HERC1: variants seen among roughly 807,000 people sequenced by gnomAD.
HERC1 encodes probable E3 ubiquitin-protein ligase HERC1.
A neutral mutation model predicts 554.3 loss-of-function variants in HERC1; 160 were observed. The ratio of observed to expected loss-of-function variants is 0.29; its 90% CI spans 0.25 to 0.33. The LOEUF is 0.33. HERC1 is among the 10% of genes least tolerant of loss of function. HERC1 has a pLI of 1.00. For missense variants in HERC1, 4,919 were observed against 5,918.5 expected, an observed-to-expected ratio of 0.83 and a Z score of 5.54; for synonymous variants, 2,175 against 2,131.7, an observed-to-expected ratio of 1.02 and a Z score of -0.56.
In HERC1 at chr15:63,694,623, A is replaced by G; in HGVS notation, c.5243-74T>C. On this transcript the variant is annotated intron_variant, in intron 28 of 77. Transcript: ENST00000443617. The surrounding 1 kb of genome is among the most constrained non-coding windows in gnomAD (Gnocchi z 4.3). ...ATTTATTAAAATGAATAATTTTCTA[A>G]AATATTAATAACATGAAACACTAAA... is the stretch of plus-strand genomic sequence containing the variant. 5 of 1,438,204 alleles carry G rather than the reference A, an allele frequency of 3.5e-6. No individual in the cohort carries two copies. The highest frequency in any genetic ancestry group is 4.8e-6 in the Non-Finnish European group (5 of 1,042,210). 89.1% of individuals were successfully genotyped at this position (1,438,204 alleles called of 1,614,324 possible). A position where few individuals can be genotyped will look rare whatever the true frequency, so the allele number is the denominator to read the frequency against.
In HERC1 at chr15:63,774,914, G is replaced by T. The variant is rs774245716; in HGVS notation, c.710C>A (p.Ser237Tyr). 2.0e-5 allele frequency: 33 copies of T among 1,613,888 alleles called. No homozygotes were observed. The highest frequency in any genetic ancestry group is 2.5e-5 in the Non-Finnish European group (29 of 1,179,894). The change falls in exon 2 of 78, where the codon TCT (serine) becomes TAT (tyrosine). Residue 237 changes from serine (S) to tyrosine (Y), a missense_variant. Ser to Tyr is a moderately radical substitution (Grantham distance 144). Transcript: ENST00000443617. Reference sequence around the variant, plus strand: ...TCTACGACCTAAAGTGTCTGCCCCAGAATTAGGAATAGTGACTCCTTTAAG... The same window carrying T: ...TCTACGACCTAAAGTGTCTGCCCCATAATTAGGAATAGTGACTCCTTTAAG... ...TFLKGVTIPN[S>Y]GADTLGRRLA...
chr15:63,821,430 C>T (rs142124229), intron 1 of HERC1, among the ~76,000 whole-genome samples: 1 of 151,862 alleles, frequency 6.6e-6, no homozygotes, highest in East Asian at 1.9e-4. Context: ...GTGGCATGCA[C>T]CTGTAGTCCC....
chr15:63,615,706 C>G (rs1207355090), intron 76 of HERC1, 62 bp downstream of exon 76: 2 of 1,400,830 alleles, frequency 1.4e-6, no homozygotes, highest in Non-Finnish European at 1.9e-6. Flanking sequence ...CATACCCAGT[C>G]AGCTCTCATT....
chr15:63,707,332 A>G (rs537282024), intron 24 of HERC1, among the ~76,000 whole-genome samples: 1 of 152,354 alleles, frequency 6.6e-6, no homozygotes, highest in South Asian at 2.1e-4. Flanking sequence ...TAGTATTTGA[A>G]AAGATTTTTA....
At position 63,692,556 on chromosome 15, in the gene HERC1, C is replaced by G; in HGVS notation, c.5685G>C (p.Arg1895Ser). ...TEKKDFRAAL[R>S]KQHAAELHLG... ...GATGGAGTTCGGCTGCATGTTGTTTCCTAAGAGCAGCTACAGTGAAGAGAC... is the reference window on the plus strand; with the variant it reads ...GATGGAGTTCGGCTGCATGTTGTTTGCTAAGAGCAGCTACAGTGAAGAGAC... The change falls in exon 31 of 78, where the codon AGG (arginine) becomes AGC (serine). Residue 1895 changes from arginine (R) to serine (S), a missense_variant. Arg to Ser is a moderately radical substitution (Grantham distance 110, BLOSUM62 -1). Around this residue, in one of 11 missense-constraint regions of HERC1, gnomAD observed 1,121 missense variants for 1,244.0 expected, o/e 0.90. Coordinates refer to ENST00000443617, the MANE Select transcript of HERC1 (RefSeq NM_003922.4). This position sits in a 1 kb window ranked among gnomAD's most constrained non-coding sequence, Gnocchi z 4.7. 6.2e-7 allele frequency: 1 copy of G among 1,607,302 alleles called. No individual in the cohort carries two copies. Among genetic ancestry groups the G allele is most frequent in the Non-Finnish European group, 8.5e-7 (1 of 1,177,676 alleles).
At chr15:63,746,808 A>T in intron 12 of HERC1, 110 bp downstream of exon 12, 1 of 981,012 alleles carries the variant, frequency 1.0e-6, no homozygotes. Flanking sequence ...GGAGTAAGGG[A>T]AACAACATCC....
chr15:63,832,856 A>C (rs751128328), intron 1 of HERC1, among the ~76,000 whole-genome samples: 3 of 152,252 alleles, frequency 2.0e-5, no homozygotes, highest in Non-Finnish European at 4.4e-5. Flanking sequence ...AGGAAATACA[A>C]TAAAATGTTA....
chr15:63,774,056 T>C (rs566616762), intron 2 of HERC1, among the ~76,000 whole-genome samples: 1 of 152,304 alleles, frequency 6.6e-6, no homozygotes, highest in South Asian at 2.1e-4. Context: ...TTCATTCTGG[T>C]CTCTACTTTA....
chr15:63,712,048 C>T (rs74692183), intron 24 of HERC1, among the ~76,000 whole-genome samples: 5,172 of 152,272 alleles, frequency 0.034, 99 homozygotes, highest in Middle Eastern at 0.088. Context: ...TATAAATTAG[C>T]ATCTTATTTA....
chr15:63,824,006 T>C (rs2077796101), intron 1 of HERC1, among the ~76,000 whole-genome samples: 1 of 152,170 alleles, frequency 6.6e-6, no homozygotes, highest in African/African-American at 2.4e-5. Context: ...CTTGAATAGA[T>C]ATTTCTCCAA....
chr15:63,645,425 G>T (rs543095832), intron 56 of HERC1, 58 bp downstream of exon 56: 8 of 1,286,496 alleles, frequency 6.2e-6, no homozygotes, highest in Non-Finnish European at 8.6e-6. Flanking sequence ...ACTTAATGCA[G>T]ATAACAGTCT....
Position 63,756,632 on chromosome 15 carries a change from T to A in HERC1, c.1338A>T (p.Leu446Phe). 6.2e-7 allele frequency: 1 copy of A among 1,613,500 alleles called. No homozygotes were observed. Among genetic ancestry groups the A allele is most frequent in the East Asian group, 2.2e-5 (1 of 44,878 alleles). ...TGTGAGGCTCGAATGTTAACTTTTT[T>A]AAAGTTGACTGATTATTGGAGTCTC... is the stretch of plus-strand genomic sequence containing the variant. ...GLGDSNNQST[L>F]KKLTFEPHRS... is the part of the protein sequence containing the mutation. The change falls in exon 5 of 78, where the codon TTA becomes TTT. Residue 446 changes from leucine to phenylalanine, a missense_variant. Around this residue, in one of 11 missense-constraint regions of HERC1, gnomAD observed 744 missense variants for 1,090.0 expected, o/e 0.68. Coordinates refer to ENST00000443617, the MANE Select transcript of HERC1 (RefSeq NM_003922.4). The surrounding 1 kb of genome is among the most constrained non-coding windows in gnomAD (Gnocchi z 5.0).
At chr15:63,657,260 G>GT (rs770864894) in intron 48 of HERC1, among the ~76,000 whole-genome samples, 20,571 of 124,770 alleles carry the variant, frequency 0.16, 1,987 homozygotes, top group Middle Eastern at 0.22. Context: ...TTTGTCTTAG[G>GT]TTTTTTTTTT....
chr15:63,764,699 C>G (rs1161369200), intron 2 of HERC1, among the ~76,000 whole-genome samples: 1 of 152,162 alleles, frequency 6.6e-6, no homozygotes, highest in Non-Finnish European at 1.5e-5. Context: ...ACCCCCACCA[C>G]CAGGTATGTC....
At chr15:63,641,187 C>T (rs1191589269) in intron 60 of HERC1, among the ~76,000 whole-genome samples, 2 of 152,142 alleles carry the variant, frequency 1.3e-5, no homozygotes, top group African/African-American at 4.8e-5. Context: ...TATTCTGCTG[C>T]ATAGGTATTT....
chr15:63,826,321 T>C (rs2077900375), intron 1 of HERC1, among the ~76,000 whole-genome samples: 1 of 152,166 alleles, frequency 6.6e-6, no homozygotes, highest in Non-Finnish European at 1.5e-5. Context: ...TTAATTTTCA[T>C]TACGACTGCC....
Position 63,827,587 on chromosome 15 carries a change from C to T in HERC1, c.-27+6240G>A, listed in dbSNP as rs1208351463. 2.6e-5 allele frequency among the ~76,000 whole-genome samples: 4 copies of T among 152,038 alleles called. No individual in the cohort carries two copies. In the East Asian group the frequency reaches 7.7e-4, roughly 29 times the overall value. On this transcript the variant is annotated intron_variant, in intron 1 of 77. Transcript: ENST00000443617. The stretch of plus-strand genomic sequence containing the variant: ...GAACAGGAAAACAATCTGGCAGTTG[C>T]TCAAAAAGTTAAACATACAGTAATC...
Position 63,666,083 on chromosome 15 carries a change from C to T in HERC1, c.8391G>A (p.Gly2797=), listed in dbSNP as rs757472599. ...VLAMWMIEHP[G]HEDEEEPQSG... is the part of the protein sequence containing the mutation. ...ACTGGGGCTCCTCTTCATCCTCATGCCCAGGGTGCTCTATCATCCACATGG... is the reference window on the plus strand; with the variant it reads ...ACTGGGGCTCCTCTTCATCCTCATGTCCAGGGTGCTCTATCATCCACATGG... The change falls in exon 42 of 78, where the codon GGG becomes GGA. Residue 2797 remains glycine (G), a synonymous_variant. Coordinates refer to ENST00000443617, the MANE Select transcript of HERC1 (RefSeq NM_003922.4). 4 of 1,613,910 alleles carry T rather than the reference C, an allele frequency of 2.5e-6. No individual in the cohort carries two copies. Among genetic ancestry groups the T allele is most frequent in the Non-Finnish European group, 3.4e-6 (4 of 1,179,894 alleles).
chr15:63,634,369 T>C (rs1022973968), intron 66 of HERC1, among the ~76,000 whole-genome samples: 1 of 152,190 alleles, frequency 6.6e-6, no homozygotes, highest in African/African-American at 2.4e-5. Flanking sequence ...TTAGGAGCAG[T>C]AGCTACCAGT....
Sources: gnomAD v4.1 joint callset for allele counts (sites outside exome capture counted in the v4.1 genomes callset) on GRCh38, gnomAD v4.1.1 for gene constraint, gnomAD v4.1.1 regional missense constraint, Gnocchi (gnomAD v3.1) non-coding constraint, MANE v1.5 for transcripts, NCBI Gene and HGNC (gene_info 2026-07-23, HGNC 2026-07-21) for gene names.